PAPSS2: variants seen among roughly 807,000 people sequenced by gnomAD.
PAPSS2 encodes the protein bifunctional 3'-phosphoadenosine 5'-phosphosulfate synthase 2.
A neutral mutation model predicts 66.5 loss-of-function variants in PAPSS2; 61 were observed. The observed-to-expected ratio is 0.92, with a 90% CI of 0.75 to 1.14. The LOEUF (loss-of-function observed/expected upper bound fraction) is 1.14. PAPSS2 is among the 50% of genes most tolerant of loss of function. PAPSS2 has a pLI of 0.00. For missense variants in PAPSS2, 708 were observed against 789.6 expected, an observed-to-expected ratio of 0.90 and a Z score of 1.24; for synonymous variants, 289 against 287.5, an observed-to-expected ratio of 1.01 and a Z score of -0.05.
In PAPSS2 at chr10:87,734,663, GTATATATATATATATA is replaced by G. The variant is rs66686947; in HGVS notation, c.1087-6544_1087-6529del. Reference sequence around the variant, plus strand: ...TGATAGCACAGAAATGAATGTGTGTGTATATATATATATATATATATATATATATATATATATATAT... The same window carrying G: ...TGATAGCACAGAAATGAATGTGTGTGTATATATATATATATATATATATAT... On this transcript the variant is annotated intron_variant, in intron 9 of 12. Coordinates refer to ENST00000456849, the MANE Select transcript of PAPSS2 (RefSeq NM_001015880.2). Among the ~76,000 whole-genome samples the G allele has an allele frequency of 4.2e-3, 338 of 81,126 alleles. 10 individuals carry two copies. The highest frequency in any genetic ancestry group is 7.6e-3 in the Admixed American group (55 of 7,206). The allele number at this position is 81,126 out of a possible 152,430, so 53.2% of individuals were successfully genotyped here.
chr10:87,715,874 G>T (rs1401409851), intron 7 of PAPSS2, 31 bp downstream of exon 7: 1 of 1,339,910 alleles, frequency 7.5e-7, no homozygotes, highest in Non-Finnish European at 1.1e-6. Context: ...CTTACTCTTT[G>T]TTGTTAAGGA....
At chr10:87,701,389 T>TTTCTTTCTTTCTTTCTTTC (rs1853312446) in intron 1 of PAPSS2, among the ~76,000 whole-genome samples, 2 of 100,940 alleles carry the variant, frequency 2.0e-5, no homozygotes, top group Non-Finnish European at 3.8e-5. Context: ...TCTTTCTTTC[T>TTTCTTTCTTTCTTTCTTTC]TTCTTTCTCT....
At chr10:87,715,348 A>G (rs1853519998) in intron 6 of PAPSS2, among the ~76,000 whole-genome samples, 2 of 152,354 alleles carry the variant, frequency 1.3e-5, no homozygotes, top group South Asian at 4.1e-4. Context: ...TTTGCATTGG[A>G]CAATTTTACA....
intron 1 of PAPSS2, among the ~76,000 whole-genome samples, chr10:87,693,873 A>G (rs1002275231): frequency 1.3e-5 from 2 of 152,252 alleles, no homozygotes; most frequent in Non-Finnish European, 2.9e-5. Context: ...GCCTAGAAGA[A>G]GACAGGTCAC....
intron 1 of PAPSS2, among the ~76,000 whole-genome samples, chr10:87,666,777 T>A (rs1000922975): frequency 2.6e-5 from 4 of 152,142 alleles, no homozygotes; most frequent in African/African-American, 9.7e-5. Context: ...CTAGTTAAGG[T>A]CCTTGACATG....
chr10:87,701,406 C>CTT, intron 1 of PAPSS2, among the ~76,000 whole-genome samples: 3 of 92,052 alleles, frequency 3.3e-5, no homozygotes, highest in African/African-American at 5.8e-5. Context: ...CTCTTTCTTT[C>CTT]TCTCTCTCTC....
intron 1 of PAPSS2, among the ~76,000 whole-genome samples, chr10:87,703,035 G>A (rs1853337081): frequency 2.0e-5 from 3 of 152,140 alleles, no homozygotes; most frequent in South Asian, 4.1e-4. Context: ...GGGAGTGAGG[G>A]GTGAGCCTGG....
intron 1 of PAPSS2, among the ~76,000 whole-genome samples, chr10:87,680,320 A>C (rs764002877): frequency 6.0e-4 from 92 of 152,172 alleles, no homozygotes; most frequent in Admixed American, 2.6e-4. Flanking sequence ...ACTGAAGTCA[A>C]TTTTAAGTCT....
chr10:87,742,550 C>CAA, intron 10 of PAPSS2, among the ~76,000 whole-genome samples: 1 of 151,940 alleles, frequency 6.6e-6, no homozygotes, highest in East Asian at 1.9e-4. Flanking sequence ...TATTCATTTT[C>CAA]AATACTATAG....
At chr10:87,677,641 T>C (rs1852965905) in intron 1 of PAPSS2, among the ~76,000 whole-genome samples, 2 of 152,174 alleles carry the variant, frequency 1.3e-5, no homozygotes, top group Non-Finnish European at 2.9e-5. Context: ...CTAAGAAGCT[T>C]TGTGTGCTTT....
At chr10:87,671,115 C>G (rs750202323) in intron 1 of PAPSS2, among the ~76,000 whole-genome samples, 1 of 152,134 alleles carries the variant, frequency 6.6e-6, no homozygotes, top group Non-Finnish European at 1.5e-5. Context: ...AAGTAACTTG[C>G]CTCAGGATGC....
intron 9 of PAPSS2, among the ~76,000 whole-genome samples, chr10:87,739,689 C>G (rs1239809947): frequency 6.6e-6 from 1 of 152,218 alleles, no homozygotes; most frequent in Non-Finnish European, 1.5e-5. Context: ...GCCTTTTTCT[C>G]TGTGTTGACA....
rs76957876 is a variant in PAPSS2 at position 87,745,631 on chromosome 10, G to A, written c.1722-201G>A. 0.013 allele frequency among the ~76,000 whole-genome samples: 1,940 copies of A among 152,272 alleles called. 24 individuals are homozygous for A. The highest frequency in any genetic ancestry group is 0.019 in the Non-Finnish European group (1,274 of 68,020). On this transcript the variant is annotated intron_variant, in intron 12 of 12. Transcript: ENST00000456849. The stretch of plus-strand genomic sequence containing the variant: ...GACACTTCCCAGGAACAGTATAGGC[G>A]CATGGCAAATACTAAATGGATAGCT...
At chr10:87,701,020 T>A (rs1429922941) in intron 1 of PAPSS2, among the ~76,000 whole-genome samples, 2 of 151,746 alleles carry the variant, frequency 1.3e-5, no homozygotes, top group African/African-American at 4.8e-5. Context: ...AATGATCAAA[T>A]GGAAGACACC....
rs568755839 is a variant in PAPSS2, at chr10:87,709,393, C to T, written c.145+80C>T. 3.4e-5 allele frequency: 29 copies of T among 851,130 alleles called. 1 individual carries two copies. Among genetic ancestry groups the T allele is most frequent in the Middle Eastern group, 3.1e-4 (1 of 3,260 alleles). 52.7% of individuals were successfully genotyped at this position (851,130 alleles called of 1,614,324 possible). ...CACAATTTTATGGAAATTAGTGTAACGTATTACATGCTTGTTTTATCATTA... is the reference window on the plus strand; with the variant it reads ...CACAATTTTATGGAAATTAGTGTAATGTATTACATGCTTGTTTTATCATTA... On this transcript the variant is annotated intron_variant, in intron 2 of 12. Transcript: ENST00000456849.
chr10:87,660,112 G>T, intron 1 of PAPSS2, 104 bp downstream of exon 1: 1 of 1,207,814 alleles, frequency 8.3e-7, no homozygotes, highest in South Asian at 1.3e-5. Context: ...CCGGGAGGGG[G>T]CGTCGGGAGG....
intron 1 of PAPSS2, among the ~76,000 whole-genome samples, chr10:87,706,140 G>GTGTGTGTGTATA (rs1304990011): frequency 2.6e-5 from 3 of 113,238 alleles, no homozygotes; most frequent in Admixed American, 9.5e-5. Context: ...GTGTGTGTGT[G>GTGTGTGTGTATA]TATATATATA....
chr10:87,723,349 T>C (rs1853618856), intron 8 of PAPSS2, among the ~76,000 whole-genome samples: 2 of 152,186 alleles, frequency 1.3e-5, no homozygotes, highest in South Asian at 4.1e-4. Context: ...ATCAGCAACC[T>C]CCATTAACAT....
chr10:87,713,113 C>T lies in PAPSS2; in HGVS notation c.184C>T (p.Leu62=). The T allele has an allele frequency of 6.2e-7, 1 of 1,613,140 alleles. No individual in the cohort carries two copies. The highest frequency in any genetic ancestry group is 2.2e-5 in the East Asian group (1 of 44,844). ...TGGAAAAACAACGATAAGTTTTGCC[C>T]TGGAGGAGTACCTTGTCTCCCATGC... ...GAGKTTISFA[L]EEYLVSHAIP... Residue 62 remains leucine (L), a synonymous_variant, in exon 3 of 13, where the codon CTG becomes TTG. Transcript: ENST00000456849.
Sources: allele counts gnomAD v4.1 joint callset (sites outside exome capture counted in the v4.1 genomes callset), GRCh38; gene constraint gnomAD v4.1.1; transcripts MANE v1.5; gene names NCBI Gene and HGNC (gene_info 2026-07-23, HGNC 2026-07-21).